Variants in APPL2 observed in about 807,000 individuals in gnomAD.
APPL2 encodes adaptor protein, phosphotyrosine interacting with PH domain and leucine zipper 2.
Under a neutral mutation model 92.7 loss-of-function variants are expected in APPL2, and 84 were observed. That is an observed-to-expected ratio of 0.91 (90% CI 0.76 to 1.09). The LOEUF is 1.09. APPL2 is among the 50% of genes least tolerant of loss of function. The pLI is 0.00. For missense variants in APPL2, 736 were observed against 824.5 expected, an observed-to-expected ratio of 0.89 and a Z score of 1.31; for synonymous variants, 291 against 291.0, an observed-to-expected ratio of 1.00 and a Z score of 0.00.
At chr12:105,201,051 G>A (rs561238033) in intron 9 of APPL2, among the ~76,000 whole-genome samples, 2 of 152,126 alleles carry the variant, frequency 1.3e-5, no homozygotes, top group African/African-American at 4.8e-5. Context: ...TGGGATTACA[G>A]GCATGCACCA....
At chr12:105,229,274 A>G in intron 1 of APPL2, 51 bp from the exon 2 acceptor site, 2 of 1,518,042 alleles carry the variant, frequency 1.3e-6, no homozygotes, top group South Asian at 2.4e-5. Flanking sequence ...TGGAAAAGTT[A>G]CAGAGGAGGA....
chr12:105,191,061 A>G (rs767935292), intron 14 of APPL2, among the ~76,000 whole-genome samples: 5 of 152,236 alleles, frequency 3.3e-5, no homozygotes, highest in East Asian at 1.9e-4. Flanking sequence ...TGATATGTCA[A>G]TATTTTCCTA....
intron 19 of APPL2, 154 bp from the exon 20 acceptor site, chr12:105,176,236 G>A (rs548506828): frequency 7.9e-6 from 5 of 633,608 alleles, no homozygotes; most frequent in East Asian, 6.5e-5. Context: ...CATAGGGCCC[G>A]GGGCATTTGC....
chr12:105,225,718 A>G (rs1008614406), intron 2 of APPL2, among the ~76,000 whole-genome samples: 1 of 152,224 alleles, frequency 6.6e-6, no homozygotes, highest in Non-Finnish European at 1.5e-5. Context: ...TAAGATGCTG[A>G]AAACAGCTTA....
chr12:105,228,954 A>G (rs1022076759), intron 2 of APPL2, among the ~76,000 whole-genome samples, 171 bp downstream of exon 2: 6 of 152,250 alleles, frequency 3.9e-5, no homozygotes, highest in Non-Finnish European at 8.8e-5. Flanking sequence ...CAATGAGAAC[A>G]GACTGTCCTT....
chr12:105,206,826 T>A, intron 8 of APPL2: 1 of 440,916 alleles, frequency 2.3e-6, no homozygotes, highest in Non-Finnish European at 4.0e-6. Flanking sequence ...AAGAGAGGCT[T>A]GGGACCCAGG....
chr12:105,222,961 A>C (rs1489054069), intron 2 of APPL2, among the ~76,000 whole-genome samples: 1 of 152,230 alleles, frequency 6.6e-6, no homozygotes, highest in Non-Finnish European at 1.5e-5. Context: ...AGGCAGCAGG[A>C]GTGGCAGAGC....
intron 1 of APPL2, chr12:105,229,853 A>G: frequency 1.4e-6 from 1 of 736,966 alleles, no homozygotes. Context: ...ATCTCGGCTC[A>G]CTGCAACCTC....
At chr12:105,189,740 G>A (rs1887032644) in intron 16 of APPL2, 32 bp downstream of exon 16, 2 of 1,607,400 alleles carry the variant, frequency 1.2e-6, no homozygotes, top group Non-Finnish European at 8.5e-7. Flanking sequence ...TTGTGCAGAG[G>A]AAAGAATAAG....
rs75716911 is a variant in APPL2, at chr12:105,214,969, C to T, written c.285+2100G>A. ...CACCTGGCAGAGCCCAGAGGGGTGA[C>T]GTCCCCAGAGAGGGCACGGAAGTTC... On this transcript the variant is annotated intron_variant, in intron 4 of 20. Coordinates refer to ENST00000258530, the MANE Select transcript of APPL2 (RefSeq NM_018171.5). Among the ~76,000 whole-genome samples the T allele has an allele frequency of 1.7e-3, 258 of 152,306 alleles. 9 individuals are homozygous for T. In the East Asian group the frequency reaches 0.041, roughly 24 times the overall value.
chr12:105,191,766 CCT>C (rs1193729196), intron 14 of APPL2, among the ~76,000 whole-genome samples: 1 of 152,186 alleles, frequency 6.6e-6, no homozygotes, highest in Non-Finnish European at 1.5e-5. Flanking sequence ...CTTGAACTCT[CCT>C]CTCGGTTTCG....
At chr12:105,189,863 C>G in intron 15 of APPL2, 39 bp from the exon 16 acceptor site, 1 of 1,613,028 alleles carries the variant, frequency 6.2e-7, no homozygotes, top group Non-Finnish European at 8.5e-7. Context: ...ACGACAGCTG[C>G]AGCTAGAAGG....
intron 4 of APPL2, among the ~76,000 whole-genome samples, chr12:105,212,584 G>A (rs188136687): frequency 1.9e-3 from 293 of 152,292 alleles, no homozygotes; most frequent in Non-Finnish European, 3.3e-3. Flanking sequence ...TTATGCTCAC[G>A]TTTGGGAATC....
chr12:105,191,818 T>C (rs1887224829), intron 14 of APPL2, among the ~76,000 whole-genome samples: 1 of 152,218 alleles, frequency 6.6e-6, no homozygotes, highest in South Asian at 2.1e-4. Flanking sequence ...CTACCTTTCT[T>C]GATGTTCCTT....
chr12:105,233,521 G>A, intron 1 of APPL2: 1 of 453,462 alleles, frequency 2.2e-6, no homozygotes, highest in Non-Finnish European at 2.9e-6. Context: ...AAGCTTTGGT[G>A]TTCATTTAAT....
intron 14 of APPL2, among the ~76,000 whole-genome samples, chr12:105,192,725 T>G (rs1216649034): frequency 3.3e-5 from 5 of 152,200 alleles, no homozygotes; most frequent in African/African-American, 1.2e-4. Context: ...ATTGGGGTGC[T>G]TCCCTCATTT....
intron 16 of APPL2, among the ~76,000 whole-genome samples, chr12:105,188,743 T>A (rs1214603450): frequency 6.6e-6 from 1 of 152,224 alleles, no homozygotes; most frequent in African/African-American, 2.4e-5. Flanking sequence ...TCTAGGTGAC[T>A]ACATTGTACC....
At chr12:105,222,096 G>A (rs1229113810) in intron 2 of APPL2, among the ~76,000 whole-genome samples, 1 of 152,166 alleles carries the variant, frequency 6.6e-6, no homozygotes, top group African/African-American at 2.4e-5. Flanking sequence ...ACTAGTTCAG[G>A]AGCCCCTCGA....
chr12:105,183,048 G>A (rs1299568754), intron 17 of APPL2, among the ~76,000 whole-genome samples: 1 of 147,292 alleles, frequency 6.8e-6, no homozygotes, highest in Non-Finnish European at 1.5e-5. Flanking sequence ...CGTTTTATCA[G>A]AGACTAGGAT....
Sources: allele counts gnomAD v4.1 joint callset (sites outside exome capture counted in the v4.1 genomes callset), GRCh38; gene constraint gnomAD v4.1.1; transcripts MANE v1.5; gene names NCBI Gene and HGNC (gene_info 2026-07-23, HGNC 2026-07-21).